Variants in UBE4B observed in about 807,000 individuals in gnomAD.
UBE4B encodes the protein ubiquitin conjugation factor E4 B.
A neutral mutation model predicts 148.1 loss-of-function variants in UBE4B; 27 were observed. The observed-to-expected ratio is 0.18, with a 90% CI of 0.13 to 0.25. The LOEUF (loss-of-function observed/expected upper bound fraction) is 0.25, where lower values mean the gene tolerates loss of function less well. Among genes scored for constraint, UBE4B ranks in the 10% least tolerant of loss-of-function variants. The pLI is 1.00. For synonymous variants in UBE4B, 596 were observed against 619.3 expected, an observed-to-expected ratio of 0.96 and a Z score of 0.56; for missense variants, 1,170 against 1,662.4, an observed-to-expected ratio of 0.70 and a Z score of 5.15.
chr1:10,153,465 G>A (rs539885217), intron 21 of UBE4B, among the ~76,000 whole-genome samples: 16 of 126,808 alleles, frequency 1.3e-4, no homozygotes, highest in Middle Eastern at 5.8e-3. Context: ...GTTCCAGCCT[G>A]TGAAACAAAG....
chr1:10,052,364 GC>G (rs1241483786), intron 1 of UBE4B, among the ~76,000 whole-genome samples: 2 of 152,148 alleles, frequency 1.3e-5, no homozygotes, highest in African/African-American at 2.4e-5. Flanking sequence ...GAGCCACTGG[GC>G]CTGGTCAGTG....
intron 14 of UBE4B, among the ~76,000 whole-genome samples, chr1:10,131,952 CAA>C (rs60067828): frequency 7.4e-6 from 1 of 134,812 alleles, no homozygotes; most frequent in Non-Finnish European, 1.6e-5. Context: ...AACTCCGTCT[CAA>C]AAAAAAAAAC....
At chr1:10,086,653 G>C (rs1644770727) in intron 2 of UBE4B, among the ~76,000 whole-genome samples, 1 of 152,086 alleles carries the variant, frequency 6.6e-6, no homozygotes, top group Non-Finnish European at 1.5e-5. Flanking sequence ...GATAGGTTGA[G>C]AGAGAAAAGT....
At chr1:10,151,808 G>A (rs1184746933) in intron 21 of UBE4B, among the ~76,000 whole-genome samples, 2 of 151,986 alleles carry the variant, frequency 1.3e-5, no homozygotes, top group Non-Finnish European at 2.9e-5. Flanking sequence ...TCAGATGATT[G>A]GCACCGAGAC....
intron 3 of UBE4B, among the ~76,000 whole-genome samples, chr1:10,096,740 A>T (rs538412518): frequency 6.6e-6 from 1 of 151,786 alleles, no homozygotes; most frequent in East Asian, 1.9e-4. Context: ...AAAAAGGAGA[A>T]TTAAAAATAT....
chr1:10,149,906 G>C (rs1174311718), intron 20 of UBE4B, among the ~76,000 whole-genome samples: 1 of 152,104 alleles, frequency 6.6e-6, no homozygotes, highest in Non-Finnish European at 1.5e-5. Context: ...TGTAGTCCCA[G>C]ACATGCAGGA....
intron 3 of UBE4B, among the ~76,000 whole-genome samples, chr1:10,096,785 A>T (rs1185272845): frequency 6.6e-6 from 1 of 152,188 alleles, no homozygotes; most frequent in Non-Finnish European, 1.5e-5. Flanking sequence ...TCACGCCTGT[A>T]ATCCCAGCAC....
At chr1:10,154,845 A>T (rs1361019863) in intron 21 of UBE4B, among the ~76,000 whole-genome samples, 1 of 151,346 alleles carries the variant, frequency 6.6e-6, no homozygotes, top group Non-Finnish European at 1.5e-5. Context: ...TCCATCTCAA[A>T]AAAAAAAAAA....
rs1416605754 is a variant in UBE4B at position 10,090,504 on chromosome 1, T to G, written c.212-4957T>G. 3.3e-5 allele frequency among the ~76,000 whole-genome samples: 5 copies of G among 152,180 alleles called. No homozygotes were observed. The East Asian group carries it at 9.6e-4, about 29-fold the overall frequency. On this transcript the variant is annotated intron_variant, in intron 2 of 27. Coordinates refer to ENST00000343090, the MANE Select transcript of UBE4B (RefSeq NM_001105562.3). Reference sequence around the variant, plus strand: ...TTTTTAGACTCTGTAGACCTAGATATTCTTATCTGTAAAAGAGGAGGGAAG... The same window carrying G: ...TTTTTAGACTCTGTAGACCTAGATAGTCTTATCTGTAAAAGAGGAGGGAAG...
In UBE4B at chr1:10,178,690, G is replaced by A. The variant is rs1188510591; in HGVS notation, c.3572G>A (p.Arg1191Gln). The change falls in exon 26 of 28, where the codon CGG becomes CAG. Residue 1191 changes from arginine (R) to glutamine (Q), a missense_variant. By Grantham distance (43) the Arg-to-Gln change is conservative. Coordinates refer to ENST00000343090, the MANE Select transcript of UBE4B (RefSeq NM_001105562.3). The stretch of plus-strand genomic sequence containing the variant: ...TTTGAAGAAGTTATTTCAAAGATGC[G>A]GAAGGCAGGGATCAAATCCACAATA... ...ELFEEVISKMRKAGIKSTIAI... is the reference protein window; with the variant it reads ...ELFEEVISKMQKAGIKSTIAI... The A allele has an allele frequency of 6.8e-6, 11 of 1,613,408 alleles. No homozygotes were observed. The highest frequency in any genetic ancestry group is 2.2e-5 in the East Asian group (1 of 44,862).
intron 14 of UBE4B, among the ~76,000 whole-genome samples, chr1:10,132,128 CA>C (rs879567902): frequency 2.0e-5 from 3 of 149,612 alleles, no homozygotes; most frequent in Non-Finnish European, 4.5e-5. Flanking sequence ...GACTCTGTCT[CA>C]AAAAAAAACA....
intron 24 of UBE4B, among the ~76,000 whole-genome samples, chr1:10,170,340 C>A (rs1049614865): frequency 5.3e-5 from 8 of 152,156 alleles, no homozygotes; most frequent in Non-Finnish European, 1.0e-4. Context: ...AAAGCAAATT[C>A]TTGAAAAGCT....
chr1:10,062,956 CAAAAAA>C (rs529503429), intron 1 of UBE4B, among the ~76,000 whole-genome samples: 2 of 82,574 alleles, frequency 2.4e-5, no homozygotes, highest in Non-Finnish European at 4.8e-5. Context: ...AACTCCGTCT[CAAAAAA>C]AAAAAAAAAG....
intron 14 of UBE4B, among the ~76,000 whole-genome samples, chr1:10,131,171 T>C (rs770847448): frequency 2.6e-5 from 4 of 152,168 alleles, no homozygotes; most frequent in Non-Finnish European, 5.9e-5. Context: ...ATGTCTTCAA[T>C]TCTCAAACTT....
chr1:10,083,638 A>C (rs955049067), intron 2 of UBE4B, among the ~76,000 whole-genome samples: 2 of 152,126 alleles, frequency 1.3e-5, no homozygotes, highest in African/African-American at 4.8e-5. Context: ...AGCTGGCTAG[A>C]GGCAGAGGCT....
Position 10,057,212 on chromosome 1 carries a change from G to A in UBE4B, c.25-14816G>A, listed in dbSNP as rs1021633834. On this transcript the variant is annotated intron_variant, in intron 1 of 27. Coordinates refer to ENST00000343090, the MANE Select transcript of UBE4B (RefSeq NM_001105562.3). ...GGCAGTTTTATGCCTTTGGTCCTTA[G>A]TTCTCACCAGCTGGCAGAATGGGGT... 3.3e-5 allele frequency among the ~76,000 whole-genome samples: 5 copies of A among 152,036 alleles called. No homozygotes were observed. The Middle Eastern group carries it at 0.014, about 414-fold the overall frequency.
chr1:10,058,239 G>A (rs1014118247), intron 1 of UBE4B, among the ~76,000 whole-genome samples: 1 of 152,158 alleles, frequency 6.6e-6, no homozygotes, highest in African/African-American at 2.4e-5. Context: ...CAAGCTTTTT[G>A]TAACTGTTGA....
intron 1 of UBE4B, among the ~76,000 whole-genome samples, chr1:10,056,134 C>G (rs1341397180): frequency 6.6e-6 from 1 of 152,186 alleles, no homozygotes; most frequent in Non-Finnish European, 1.5e-5. Flanking sequence ...TAAAATTATT[C>G]TACACTCAGC....
rs750740322 is a variant in UBE4B, at chr1:10,105,698, C to T, written c.763C>T (p.Pro255Ser). The change falls in exon 6 of 28, where the codon CCC becomes TCC. Residue 255 changes from proline to serine, a missense_variant. By Grantham distance (74) the Pro-to-Ser change is moderately conservative. Transcript: ENST00000343090. ...LNTGSNPGTSPMFCSVASFGA... is the reference protein window; with the variant it reads ...LNTGSNPGTSSMFCSVASFGA... ...CACTGGCTCCAATCCAGGAACAAGCCCCATGTTCTGCAGCGTGGCTTCCTT... is the reference window on the plus strand; with the variant it reads ...CACTGGCTCCAATCCAGGAACAAGCTCCATGTTCTGCAGCGTGGCTTCCTT... 6.2e-7 allele frequency: 1 copy of T among 1,614,142 alleles called. No individual in the cohort carries two copies. Among genetic ancestry groups the T allele is most frequent in the East Asian group, 2.2e-5 (1 of 44,890 alleles).
Sources: gnomAD v4.1 joint callset for allele counts (sites outside exome capture counted in the v4.1 genomes callset) on GRCh38, gnomAD v4.1.1 for gene constraint, MANE v1.5 for transcripts, NCBI Gene and HGNC (gene_info 2026-07-23, HGNC 2026-07-21) for gene names.